FAM199X: variants seen among roughly 807,000 people sequenced by gnomAD.
The protein encoded by FAM199X is family with sequence similarity 199, X-linked, also known as protein FAM199X.
Under a neutral mutation model 22.9 loss-of-function variants are expected in FAM199X, and 4 were observed. The observed-to-expected ratio is 0.17, with a 90% CI of 0.09 to 0.40. The LOEUF (loss-of-function observed/expected upper bound fraction) is 0.40. Ranked by LOEUF, FAM199X falls within the 10% of genes least tolerant of loss-of-function variation. The probability of loss-of-function intolerance (pLI) is 1.00; values close to 1 mark genes in which losing one functional copy is unlikely to be tolerated. For synonymous variants in FAM199X, 101 were observed against 112.3 expected, an observed-to-expected ratio of 0.90 and a Z score of 0.64; for missense variants, 183 against 306.8, an observed-to-expected ratio of 0.60 and a Z score of 3.01.
In FAM199X at chrX:104,166,650, C is replaced by G; in HGVS notation, c.-136C>G. The G allele has an allele frequency of 1.1e-5, 6 of 542,760 alleles. No individual in the cohort carries two copies. The South Asian group carries it at 2.0e-4, about 18-fold the overall frequency. The allele number at this position is 542,760 out of a possible 1,213,427, so 44.7% of individuals were successfully genotyped here. On this transcript the variant is annotated 5_prime_UTR_variant, in exon 1 of 6. Transcript: ENST00000493442. ...CCCGGCAAGCAGCAGCGGGCCGCGA[C>G]GCCCAGCCTGCCAGTGAGCTGCGAC...
At chrX:104,175,383 G>A (rs1209628501) in intron 1 of FAM199X, among the ~76,000 whole-genome samples, 2 of 111,000 alleles carry the variant, frequency 1.8e-5, no homozygotes, top group African/African-American at 3.3e-5. Context: ...TTCATATACG[G>A]CATCATGCTT....
At chrX:104,182,773 T>G (rs1921695201) in intron 2 of FAM199X, among the ~76,000 whole-genome samples, 1 of 111,761 alleles carries the variant, frequency 8.9e-6, no homozygotes, top group Non-Finnish European at 1.9e-5. Context: ...GCTGCTTTTT[T>G]AAGGGTCCAA....
intron 4 of FAM199X, among the ~76,000 whole-genome samples, chrX:104,187,098 CTT>C (rs781858012): frequency 7.1e-5 from 7 of 98,768 alleles, no homozygotes; most frequent in African/African-American, 7.5e-5. Context: ...GTATCATCTT[CTT>C]TTTTTTTTTT....
chrX:104,159,217 C>A, the FAM199X span, among the ~76,000 whole-genome samples: 1 of 111,820 alleles, frequency 8.9e-6, no homozygotes, highest in Admixed American at 9.5e-5. Flanking sequence ...TCTCTAGGGC[C>A]GGTAGAAATA....
chrX:104,181,269 G>T (rs148138377), intron 2 of FAM199X, among the ~76,000 whole-genome samples: 2,653 of 112,206 alleles, frequency 0.024, 64 homozygotes, highest in African/African-American at 0.081. Context: ...GCCAAATATT[G>T]CCCATGAAAA....
chrX:104,174,950 C>T (rs1921452470), intron 1 of FAM199X, among the ~76,000 whole-genome samples: 1 of 111,890 alleles, frequency 8.9e-6, no homozygotes, highest in African/African-American at 3.3e-5. Context: ...ACTTCTTGAA[C>T]ATCTACCTGT....
intron 4 of FAM199X, among the ~76,000 whole-genome samples, 194 bp from the exon 5 acceptor site, chrX:104,187,846 G>T (rs1009407667): frequency 4.5e-5 from 5 of 112,112 alleles, no homozygotes; most frequent in South Asian, 3.7e-4. Flanking sequence ...GCTCTATAAC[G>T]TGTTTTCTAG....
chrX:104,195,506 T>A lies in FAM199X; in HGVS notation c.*5728T>A, dbSNP rs781856712. The A allele has an allele frequency of 8.0e-5, 9 of 111,916 alleles. No homozygotes were observed. In the East Asian group the frequency reaches 2.5e-3, roughly 31 times the overall value. 9.2% of individuals were successfully genotyped at this position (111,916 alleles called of 1,213,427 possible). On this transcript the variant is annotated 3_prime_UTR_variant, in exon 6 of 6. Transcript: ENST00000493442. ...AGTGAAAATTGTCTAATTTTTTTAA[T>A]CCATGCTATTACTGGGCAGTAGGTC...
In FAM199X at chrX:104,188,124, A is replaced by C; in HGVS notation, c.814A>C (p.Thr272Pro). 8.3e-7 allele frequency: 1 copy of C among 1,211,705 alleles called. No individual in the cohort carries two copies. Among genetic ancestry groups the C allele is most frequent in the Admixed American group, 2.2e-5 (1 of 46,003 alleles). Residue 272 changes from threonine (T) to proline (P), a missense_variant, in exon 5 of 6, where the codon ACC (threonine) becomes CCC (proline). Thr to Pro is a conservative substitution (Grantham distance 38). Transcript: ENST00000493442. ...WKRSNFSCASTSGVSGASASA... is the reference protein window; with the variant it reads ...WKRSNFSCASPSGVSGASASA... Reference sequence around the variant, plus strand: ...GAGAAGCAACTTTAGTTGTGCAAGCACCAGTGGAGTGAGCGGTGCCAGTGC... The same window carrying C: ...GAGAAGCAACTTTAGTTGTGCAAGCCCCAGTGGAGTGAGCGGTGCCAGTGC...
upstream of FAM199X, among the ~76,000 whole-genome samples, chrX:104,165,078 T>G (rs1921130251): frequency 9.0e-6 from 1 of 111,212 alleles, no homozygotes; most frequent in Non-Finnish European, 1.9e-5. Flanking sequence ...TGGGGATTGG[T>G]GCATTAGGGA....
chrX:104,159,591 G>C, the FAM199X span, among the ~76,000 whole-genome samples: 1 of 112,514 alleles, frequency 8.9e-6, no homozygotes, highest in African/African-American at 3.2e-5. Flanking sequence ...TCAGTTATTT[G>C]TTTCTTCAGA....
intron 2 of FAM199X, among the ~76,000 whole-genome samples, chrX:104,184,583 G>C (rs1325058234): frequency 9.0e-6 from 1 of 110,822 alleles, no homozygotes; most frequent in Non-Finnish European, 1.9e-5. Flanking sequence ...ATGTGCAAAA[G>C]TATACATAAA....
chrX:104,186,320 A>G, intron 3 of FAM199X, 105 bp downstream of exon 3: 1 of 1,092,345 alleles, frequency 9.2e-7, no homozygotes, highest in Non-Finnish European at 1.2e-6. Flanking sequence ...TTGCTTAGTA[A>G]ATCTGAATTT....
In FAM199X at chrX:104,192,200, G is replaced by A. The variant is rs781855659; in HGVS notation, c.*2422G>A. 8.1e-5 allele frequency: 9 copies of A among 111,566 alleles called. No individual in the cohort carries two copies. The highest frequency in any genetic ancestry group is 2.6e-4 in the African/African-American group (8 of 30,901). The allele number at this position is 111,566 out of a possible 1,213,427, so 9.2% of individuals were successfully genotyped here. A position where few individuals can be genotyped will look rare whatever the true frequency, so the allele number is the denominator to read the frequency against. ...TGTTCATGTGCTGTACATTTTTTCC[G>A]TTTTAATGTCTTGTGTAGATAATTC... On this transcript the variant is annotated 3_prime_UTR_variant, in exon 6 of 6. Transcript: ENST00000493442.
intron 1 of FAM199X, among the ~76,000 whole-genome samples, chrX:104,173,955 GTAAT>G (rs781816153): frequency 2.6e-3 from 291 of 112,047 alleles, no homozygotes; most frequent in African/African-American, 8.7e-3. Context: ...GATCTTGCTG[GTAAT>G]TAAATAAATA....
upstream of FAM199X, among the ~76,000 whole-genome samples, chrX:104,162,313 T>C (rs1478310808): frequency 1.8e-5 from 2 of 111,915 alleles, no homozygotes; most frequent in East Asian, 5.6e-4. Flanking sequence ...GCTCTCTATT[T>C]TAAATTTAGG....
At chrX:104,167,515 A>AT (rs1158112275) in intron 1 of FAM199X, among the ~76,000 whole-genome samples, 47 of 98,919 alleles carry the variant, frequency 4.8e-4, no homozygotes, top group South Asian at 1.4e-3. Context: ...CCCCTACCCC[A>AT]TTTTTTTTTT....
At chrX:104,188,381 G>A in intron 5 of FAM199X, 75 bp downstream of exon 5, 1 of 1,098,767 alleles carries the variant, frequency 9.1e-7, no homozygotes, top group Non-Finnish European at 1.2e-6. Flanking sequence ...ATTTCTTGAA[G>A]AGTTAAAATG....
At chrX:104,183,141 T>A (rs1262560031) in intron 2 of FAM199X, among the ~76,000 whole-genome samples, 1 of 111,439 alleles carries the variant, frequency 9.0e-6, no homozygotes, top group African/African-American at 3.3e-5. Context: ...TTTAGGTGAA[T>A]TTTTTTTATT....
Sources: allele counts gnomAD v4.1 joint callset (sites outside exome capture counted in the v4.1 genomes callset), GRCh38; gene constraint gnomAD v4.1.1; transcripts MANE v1.5; gene names NCBI Gene and HGNC (gene_info 2026-07-23, HGNC 2026-07-21).